Variants in PLEKHG5 observed in about 807,000 individuals in gnomAD.
PLEKHG5 encodes the protein pleckstrin homology and RhoGEF domain containing G5, also known as pleckstrin homology domain-containing family G member 5.
PLEKHG5 carries 52 observed loss-of-function variants against 103.8 expected under a neutral mutation model. The ratio of observed to expected loss-of-function variants is 0.50; its 90% CI spans 0.40 to 0.63. The LOEUF is 0.63. Among genes scored for constraint, PLEKHG5 ranks in the 30% least tolerant of loss-of-function variants. PLEKHG5 has a pLI of 0.00. For synonymous variants in PLEKHG5, 592 were observed against 575.5 expected (o/e 1.03, Z -0.41); for missense variants, 1,205 against 1,347.6 (o/e 0.89, Z 1.66).
chr1:6,484,976 A>G (rs1246236271), intron 1 of PLEKHG5, among the ~76,000 whole-genome samples: 1 of 152,164 alleles, frequency 6.6e-6, no homozygotes, highest in Non-Finnish European at 1.5e-5. Context: ...CCTCTGGGGT[A>G]GGAGGAGGCT....
chr1:6,469,391 G>A lies in PLEKHG5; in HGVS notation c.1993C>T (p.Gln665Ter). The A allele has an allele frequency of 6.2e-7, 1 of 1,614,136 alleles. No homozygotes were observed. Among genetic ancestry groups the A allele is most frequent in the Non-Finnish European group, 8.5e-7 (1 of 1,180,030 alleles). ...CGGCACAAGGCCTGGCCACTGGCCT[G>A]GAACGTGTAGGCCCCTACAGCACTG... ...FHSAVGAYTF[Q>*]ASGQALCRGW... Residue 665 changes from glutamine to a stop codon, truncating the protein, a stop_gained, in exon 18 of 21, where the codon CAG becomes TAG. Coordinates refer to ENST00000377728, the MANE Select transcript of PLEKHG5 (RefSeq NM_020631.6). LOFTEE classifies it high-confidence loss of function.
At chr1:6,515,485 C>T (rs1298951006) in intron 1 of PLEKHG5, among the ~76,000 whole-genome samples, 1 of 151,990 alleles carries the variant, frequency 6.6e-6, no homozygotes, top group Non-Finnish European at 1.5e-5. Context: ...CAAGATTTTG[C>T]CACTGCACTC....
intron 10 of PLEKHG5, 26 bp downstream of exon 10, chr1:6,472,501 C>T (rs371641185): frequency 1.2e-4 from 189 of 1,525,420 alleles, no homozygotes; most frequent in Non-Finnish European, 1.7e-4. Flanking sequence ...AGGGTGGCCA[C>T]GGGGACCAGC....
intron 2 of PLEKHG5, among the ~76,000 whole-genome samples, chr1:6,476,840 C>T (rs1644776273): frequency 6.6e-6 from 1 of 152,076 alleles, no homozygotes. Flanking sequence ...CTGGAGCCTC[C>T]ATTGTCGGGG....
In PLEKHG5 at chr1:6,470,763, G is replaced by C; in HGVS notation, c.1514C>G (p.Pro505Arg). 6.4e-7 allele frequency: 1 copy of C among 1,564,350 alleles called. No individual in the cohort carries two copies. Residue 505 changes from proline (P) to arginine (R), a missense_variant, in exon 14 of 21, where the codon CCG becomes CGG. Physicochemically the swap from Pro to Arg is moderately radical, Grantham distance 103. Transcript: ENST00000377728. ...LKSVLRKTEE[P>R]RAKEAVVAMI... The stretch of plus-strand genomic sequence containing the variant: ...GGCGACGACGGCCTCCTTGGCGCGC[G>C]GCTCCTCGGTCTTCCTCAGCACCGA...
chr1:6,497,464 C>T, upstream of PLEKHG5: 1 of 252,852 alleles, frequency 4.0e-6, no homozygotes, highest in Non-Finnish European at 6.2e-6. This position sits in a 1 kb window ranked among gnomAD's most constrained non-coding sequence, Gnocchi z 6.1. Flanking sequence ...GGAGCCGCGG[C>T]GGCCCCGCCT....
chr1:6,474,228 CCT>C (rs1050353589), intron 6 of PLEKHG5, 64 bp from the exon 7 acceptor site: 1 of 1,581,638 alleles, frequency 6.3e-7, no homozygotes. Context: ...GGTCCCCGGT[CCT>C]CTCTCCCCGG....
In PLEKHG5 at chr1:6,470,735, C is replaced by T. The variant is rs1228033462; in HGVS notation, c.1542G>A (p.Met514Ile). 1 of 1,556,614 alleles carries T rather than the reference C, an allele frequency of 6.4e-7. No individual in the cohort carries two copies. ...EPRAKEAVVA[M>I]IGSVERFIHH... Reference sequence around the variant, plus strand: ...GGCTCCCGCTGGCCATCAGGGTTACCATGGCGACGACGGCCTCCTTGGCGC... The same window carrying T: ...GGCTCCCGCTGGCCATCAGGGTTACTATGGCGACGACGGCCTCCTTGGCGC... Residue 514 changes from methionine to isoleucine, a missense_variant and splice_region_variant, in exon 14 of 21, where the codon ATG becomes ATA. Transcript: ENST00000377728.
rs1186513822 is a variant in PLEKHG5 at position 6,486,080 on chromosome 1, G to A, written c.-88+5557C>T. On this transcript the variant is annotated intron_variant, in intron 1 of 20. Coordinates refer to ENST00000377728, the MANE Select transcript of PLEKHG5 (RefSeq NM_020631.6). This position sits in a 1 kb window ranked among gnomAD's most constrained non-coding sequence, Gnocchi z 5.3. ...TGCTGTGGTCCCCACCTCACCCTCA[G>A]CGCCAACACGCACGGTCCCTCCCAG... 4.4e-5 allele frequency: 7 copies of A among 159,280 alleles called. No homozygotes were observed. The highest frequency in any genetic ancestry group is 9.1e-5 in the Non-Finnish European group (7 of 77,214). The allele number at this position is 159,280 out of a possible 1,614,324, so 9.9% of individuals were successfully genotyped here. A position where few individuals can be genotyped will look rare whatever the true frequency, so the allele number is the denominator to read the frequency against.
rs1382685145 is a variant in PLEKHG5 at position 6,490,513 on chromosome 1, C to T, written c.-88+1124G>A. The T allele has an allele frequency of 2.0e-6, 2 of 985,434 alleles. No homozygotes were observed. The highest frequency in any genetic ancestry group is 9.4e-5 in the South Asian group (2 of 21,282). The allele number at this position is 985,434 out of a possible 1,614,324, so 61.0% of individuals were successfully genotyped here. A position where few individuals can be genotyped will look rare whatever the true frequency, so the allele number is the denominator to read the frequency against. The stretch of plus-strand genomic sequence containing the variant: ...AAGGCTCGGGCCGAGACTGCCAAAG[C>T]CTCATGGGGCGCGCGGGGAGAGGGG... On this transcript the variant is annotated intron_variant, in intron 1 of 20. Coordinates refer to ENST00000377728, the MANE Select transcript of PLEKHG5 (RefSeq NM_020631.6). This position sits in a 1 kb window ranked among gnomAD's most constrained non-coding sequence, Gnocchi z 8.0.
At chr1:6,519,677 G>T in exon 1 of PLEKHG5, 4 of 677,378 alleles carry the variant, frequency 5.9e-6, no homozygotes, top group Non-Finnish European at 1.1e-5. Flanking sequence ...TCTGCAGCTG[G>T]ACCTGTCTGC....
rs1052719953 is a variant in PLEKHG5 at position 6,505,841 on chromosome 1, G to A, written c.-164-9272C>T. 1.1e-4 allele frequency among the ~76,000 whole-genome samples: 17 copies of A among 152,168 alleles called. No individual in the cohort carries two copies. Among genetic ancestry groups the A allele is most frequent in the African/African-American group, 4.1e-4 (17 of 41,434 alleles). ...TGCTTGCCTGCCCTCTGGCCCCCAGGGTCCTCATTTCCGGGTCCTCTCCTG... is the reference window on the plus strand; with the variant it reads ...TGCTTGCCTGCCCTCTGGCCCCCAGAGTCCTCATTTCCGGGTCCTCTCCTG... On this transcript the variant is annotated intron_variant, in intron 1 of 21. Transcript: ENST00000377740. This position sits in a 1 kb window ranked among gnomAD's most constrained non-coding sequence, Gnocchi z 4.2.
chr1:6,485,473 G>T, intron 1 of PLEKHG5: 7 of 1,246,030 alleles, frequency 5.6e-6, no homozygotes, highest in Non-Finnish European at 2.0e-6. Flanking sequence ...GGTCTGCGCC[G>T]CCCGCCGGAC....
At chr1:6,508,521 CA>C (rs1263850764) in intron 1 of PLEKHG5, among the ~76,000 whole-genome samples, 4 of 152,206 alleles carry the variant, frequency 2.6e-5, no homozygotes, top group Non-Finnish European at 5.9e-5. Context: ...CGGACCCCCA[CA>C]GTGCTCGAGG....
At chr1:6,496,860 G>A (rs918554066), upstream of PLEKHG5, 6 of 764,696 alleles carry the variant, frequency 7.8e-6, no homozygotes, top group South Asian at 2.0e-5. Context: ...AAGTGGGGGA[G>A]CGCTCAGTGA....
intron 1 of PLEKHG5, chr1:6,519,307 T>C: frequency 2.7e-6 from 2 of 745,450 alleles, no homozygotes; most frequent in Non-Finnish European, 4.9e-6. Context: ...GGATCCAGCC[T>C]GCAAGTGGCT....
intron 10 of PLEKHG5, 93 bp from the exon 11 acceptor site, chr1:6,471,901 C>A (rs2148585932): frequency 7.7e-7 from 1 of 1,300,564 alleles, no homozygotes; most frequent in South Asian, 1.3e-5. Context: ...ACTCCTTCCC[C>A]TTCCCCGTTC....
At chr1:6,484,889 T>G (rs1364558336) in intron 1 of PLEKHG5, among the ~76,000 whole-genome samples, 1 of 152,100 alleles carries the variant, frequency 6.6e-6, no homozygotes, top group African/African-American at 2.4e-5. Context: ...AATACACGCA[T>G]GTGAGGATGG....
chr1:6,503,842 G>C (rs1271509058), intron 1 of PLEKHG5, among the ~76,000 whole-genome samples: 1 of 152,216 alleles, frequency 6.6e-6, no homozygotes, highest in Non-Finnish European at 1.5e-5. Flanking sequence ...CTGCCCCAGA[G>C]GCAGGAGAGA....
Sources: allele counts gnomAD v4.1 joint callset (sites outside exome capture counted in the v4.1 genomes callset), GRCh38; gene constraint gnomAD v4.1.1; non-coding constraint Gnocchi (gnomAD v3.1); transcripts MANE v1.5; gene names NCBI Gene and HGNC (gene_info 2026-07-23, HGNC 2026-07-21).